CCDC192: variants seen among roughly 807,000 people sequenced by gnomAD.
CCDC192 encodes the protein coiled-coil domain containing 192.
intron 3 of CCDC192, among the ~76,000 whole-genome samples, chr5:127,792,152 T>A (rs1273806495): frequency 6.6e-6 from 1 of 152,138 alleles, no homozygotes; most frequent in Non-Finnish European, 1.5e-5. Flanking sequence ...TCTGTATTAG[T>A]CCATTCTCAC....
chr5:127,877,091 C>T (rs998107788), intron 6 of CCDC192, among the ~76,000 whole-genome samples: 4 of 152,216 alleles, frequency 2.6e-5, no homozygotes, highest in African/African-American at 7.2e-5. Context: ...AGTTCCCCAG[C>T]TCGCTTACGA....
intron 5 of CCDC192, among the ~76,000 whole-genome samples, chr5:127,866,569 C>G (rs1751623242): frequency 6.6e-6 from 1 of 150,894 alleles, no homozygotes; most frequent in African/African-American, 2.4e-5. Flanking sequence ...AAGTCATGTG[C>G]TCACATGATT....
At chr5:127,772,034 CT>C (rs1383188663) in intron 3 of CCDC192, among the ~76,000 whole-genome samples, 1 of 152,300 alleles carries the variant, frequency 6.6e-6, no homozygotes, top group African/African-American at 2.4e-5. Flanking sequence ...ATTTCTTCCA[CT>C]GCACAGGCCA....
intron 3 of CCDC192, among the ~76,000 whole-genome samples, chr5:127,792,802 G>A (rs1176611345): frequency 1.1e-4 from 15 of 131,650 alleles, no homozygotes; most frequent in Non-Finnish European, 2.1e-4. Context: ...GAAGAAGGAG[G>A]AGGAGAAGAG....
At chr5:127,837,878 C>T (rs1192944928) in intron 5 of CCDC192, among the ~76,000 whole-genome samples, 1 of 152,156 alleles carries the variant, frequency 6.6e-6, no homozygotes, top group Non-Finnish European at 1.5e-5. Context: ...GTCCCAGCTA[C>T]TCAGGAGGCT....
chr5:127,935,712 A>G (rs4836346), intron 6 of CCDC192: 109,472 of 152,074 alleles, frequency 0.72, 41,664 homozygotes, highest in East Asian at 0.96. Flanking sequence ...AGCTGCAGTG[A>G]TCACAAAATT....
At chr5:127,884,040 T>G (rs1022792524) in intron 6 of CCDC192, among the ~76,000 whole-genome samples, 2 of 152,036 alleles carry the variant, frequency 1.3e-5, no homozygotes, top group Non-Finnish European at 2.9e-5. Flanking sequence ...CATTTGTTGT[T>G]TCTACTCAGA....
intron 6 of CCDC192, among the ~76,000 whole-genome samples, chr5:127,909,913 A>G (rs1303708215): frequency 6.6e-6 from 1 of 152,198 alleles, no homozygotes; most frequent in South Asian, 2.1e-4. Flanking sequence ...CTCTTCTATG[A>G]AAAGGAATCA....
intron 5 of CCDC192, among the ~76,000 whole-genome samples, chr5:127,812,640 T>C (rs1031352415): frequency 6.6e-6 from 1 of 152,218 alleles, no homozygotes; most frequent in African/African-American, 2.4e-5. Context: ...GCCCAAGATA[T>C]TACTCACTCA....
intron 2 of CCDC192, among the ~76,000 whole-genome samples, chr5:127,717,264 G>A (rs1370368840): frequency 6.6e-6 from 1 of 152,100 alleles, no homozygotes; most frequent in Admixed American, 6.5e-5. Context: ...CAAATAGTAT[G>A]TAAATTGAAT....
intron 2 of CCDC192, among the ~76,000 whole-genome samples, chr5:127,753,229 C>G (rs1392546374): frequency 1.3e-5 from 2 of 152,172 alleles, no homozygotes; most frequent in African/African-American, 4.8e-5. Context: ...ATAGGAAGGT[C>G]ATCATCCTAG....
chr5:127,836,450 G>A lies in CCDC192; in HGVS notation c.411+38288G>A, dbSNP rs913437883. Among the ~76,000 whole-genome samples, 35 of 152,206 alleles carry A rather than the reference G, an allele frequency of 2.3e-4. 1 individual carries two copies. Among genetic ancestry groups the A allele is most frequent in the Admixed American group, 1.2e-3 (19 of 15,286 alleles). On this transcript the variant is annotated intron_variant, in intron 5 of 6. Coordinates refer to ENST00000514853, the MANE Select transcript of CCDC192 (RefSeq NM_001317938.2). ...CCTCTTCTCACAGCTCCACTAGGCAGTGCCCCAGTGGGGACTCTGTATGGG... is the reference window on the plus strand; with the variant it reads ...CCTCTTCTCACAGCTCCACTAGGCAATGCCCCAGTGGGGACTCTGTATGGG...
intron 3 of CCDC192, among the ~76,000 whole-genome samples, chr5:127,769,582 T>C (rs938201511): frequency 6.6e-6 from 1 of 152,158 alleles, no homozygotes; most frequent in Non-Finnish European, 1.5e-5. Context: ...TCCTCAGATC[T>C]CAATATGTAG....
chr5:127,821,069 G>A (rs1427529108), intron 5 of CCDC192, among the ~76,000 whole-genome samples: 5 of 151,892 alleles, frequency 3.3e-5, no homozygotes, highest in Non-Finnish European at 7.4e-5. Context: ...AGCTCAGGCA[G>A]GCAGAATTCA....
rs150924312 is a variant in CCDC192, at chr5:127,716,549, T to A, written c.114+8789T>A. Among the ~76,000 whole-genome samples the A allele has an allele frequency of 3.8e-3, 584 of 152,332 alleles. 3 individuals are homozygous for A. Among genetic ancestry groups the A allele is most frequent in the African/African-American group, 0.013 (554 of 41,584 alleles). ...TTCTTTGATGGGAGATTTTTATTAC[T>A]GATTCAATCTTCTTATTTGTTATTG... On this transcript the variant is annotated intron_variant, in intron 2 of 6. Transcript: ENST00000514853.
At chr5:127,724,962 T>C (rs1752239232) in intron 2 of CCDC192, among the ~76,000 whole-genome samples, 1 of 152,028 alleles carries the variant, frequency 6.6e-6, no homozygotes. Flanking sequence ...AAGAAATCCA[T>C]CTAAATTTTT....
At chr5:127,768,608 A>G (rs934245579) in intron 3 of CCDC192, among the ~76,000 whole-genome samples, 1 of 152,228 alleles carries the variant, frequency 6.6e-6, no homozygotes, top group African/African-American at 2.4e-5. Context: ...TATGGCAGCC[A>G]TAGCAGACAA....
At chr5:127,858,919 G>A (rs181426180) in intron 5 of CCDC192, among the ~76,000 whole-genome samples, 424 of 146,434 alleles carry the variant, frequency 2.9e-3, no homozygotes, top group African/African-American at 9.9e-3. Context: ...CAAATTATTT[G>A]ACACTTTTGT....
chr5:127,898,420 T>C (rs1380514780), intron 6 of CCDC192, among the ~76,000 whole-genome samples: 1 of 152,114 alleles, frequency 6.6e-6, no homozygotes, highest in Non-Finnish European at 1.5e-5. Context: ...AAATGTCTGT[T>C]AATAGAGGAG....
Sources: gnomAD v4.1 joint callset for allele counts (sites outside exome capture counted in the v4.1 genomes callset) on GRCh38, gnomAD v4.1.1 for gene constraint, MANE v1.5 for transcripts, NCBI Gene and HGNC (gene_info 2026-07-23, HGNC 2026-07-21) for gene names.